The following LOC128462377 variants were observed in gnomAD, a reference collection of about 807,000 sequenced individuals.
At chr16:89,358,204 A>G in the LOC128462377 span, among the ~76,000 whole-genome samples, 2 of 152,228 alleles carry the variant, frequency 1.3e-5, no homozygotes, top group African/African-American at 4.8e-5. Flanking sequence ...CACAGGCCAC[A>G]GCCCCCACAC....
At chr16:89,339,278 C>A in the LOC128462377 span, among the ~76,000 whole-genome samples, 204 of 152,298 alleles carry the variant, frequency 1.3e-3, no homozygotes, top group African/African-American at 4.7e-3. Flanking sequence ...AATAGAACGA[C>A]CTAGAGATGT....
At chr16:89,402,012 C>G in the LOC128462377 span, among the ~76,000 whole-genome samples, 1 of 149,216 alleles carries the variant, frequency 6.7e-6, no homozygotes, top group Admixed American at 6.8e-5. Context: ...CGTGGGAGAA[C>G]AGATCCTTGC....
chr16:89,355,303 C>T, the LOC128462377 span, among the ~76,000 whole-genome samples: 1 of 151,908 alleles, frequency 6.6e-6, no homozygotes, highest in Admixed American at 6.6e-5. Context: ...GGAAGGCGGG[C>T]GGACGGCTCA....
chr16:89,341,529 C>T, the LOC128462377 span, among the ~76,000 whole-genome samples: 1 of 152,144 alleles, frequency 6.6e-6, no homozygotes, highest in Non-Finnish European at 1.5e-5. Context: ...GTGACACCAG[C>T]TGATTTCTGA....
chr16:89,395,706 TCAA>T, the LOC128462377 span: 6 of 152,204 alleles, frequency 3.9e-5, no homozygotes, highest in African/African-American at 7.2e-5. Context: ...CCTGATTCAT[TCAA>T]CAACATTTTC....
the LOC128462377 span, chr16:89,323,690 T>C: frequency 6.6e-6 from 2 of 302,524 alleles, no homozygotes; most frequent in East Asian, 1.2e-4. Context: ...TCAGCGTCTC[T>C]GTCCAGCCTC....
At chr16:89,387,097 G>C in the LOC128462377 span, among the ~76,000 whole-genome samples, 1 of 152,116 alleles carries the variant, frequency 6.6e-6, no homozygotes, top group Non-Finnish European at 1.5e-5. Flanking sequence ...ACATGGAGGA[G>C]GTGTCTGCCC....
chr16:89,326,507 G>A, the LOC128462377 span, among the ~76,000 whole-genome samples: 1 of 152,128 alleles, frequency 6.6e-6, no homozygotes, highest in Non-Finnish European at 1.5e-5. Flanking sequence ...CTACTCAGGA[G>A]GCCAAGGCAG....
At chr16:89,386,277 T>C in the LOC128462377 span, among the ~76,000 whole-genome samples, 2 of 150,372 alleles carry the variant, frequency 1.3e-5, no homozygotes, top group African/African-American at 4.9e-5. Context: ...ATCAGTCACT[T>C]TTTTTTTTTA....
the LOC128462377 span, among the ~76,000 whole-genome samples, chr16:89,380,282 C>A: frequency 6.6e-6 from 1 of 152,148 alleles, no homozygotes; most frequent in Middle Eastern, 3.4e-3. Context: ...CTGGCTAATT[C>A]TGTATTTTTA....
At chr16:89,406,109 CAAAAAAAAAA>C in the LOC128462377 span, among the ~76,000 whole-genome samples, 2 of 49,660 alleles carry the variant, frequency 4.0e-5, no homozygotes, top group Non-Finnish European at 9.3e-5. Flanking sequence ...GATTCCATCT[CAAAAAAAAAA>C]AAAAAAAAAA....
the LOC128462377 span, among the ~76,000 whole-genome samples, chr16:89,415,174 G>A: frequency 4.2e-4 from 63 of 150,774 alleles, no homozygotes; most frequent in African/African-American, 1.4e-3. Context: ...GGCTGGTCTC[G>A]CACTCCTGAG....
chr16:89,324,381 C>A, the LOC128462377 span: 1 of 691,238 alleles, frequency 1.4e-6, no homozygotes, highest in Non-Finnish European at 2.3e-6. Flanking sequence ...GGCACGTGGG[C>A]GCAAAGTTCT....
At chr16:89,408,171 G>T in the LOC128462377 span, among the ~76,000 whole-genome samples, 1 of 152,138 alleles carries the variant, frequency 6.6e-6, no homozygotes, top group Non-Finnish European at 1.5e-5. Context: ...GCACTATGTG[G>T]CAAGCACTGG....
the LOC128462377 span, among the ~76,000 whole-genome samples, chr16:89,391,341 T>C: frequency 1.3e-5 from 2 of 151,914 alleles, no homozygotes; most frequent in African/African-American, 2.4e-5. Flanking sequence ...CGGTGGGTGC[T>C]GGAGTGCTGG....
the LOC128462377 span, among the ~76,000 whole-genome samples, chr16:89,414,895 C>T: frequency 1.3e-5 from 2 of 152,324 alleles, no homozygotes; most frequent in East Asian, 1.9e-4. Flanking sequence ...AAGTGAAACA[C>T]GGGAATGACA....
chr16:89,324,398 C>T, the LOC128462377 span: 28 of 558,864 alleles, frequency 5.0e-5, no homozygotes, highest in African/African-American at 1.2e-4. Flanking sequence ...TTCTCAGCTT[C>T]GTTAGTCATC....
chr16:89,395,208 C>T, the LOC128462377 span, among the ~76,000 whole-genome samples: 191 of 152,328 alleles, frequency 1.3e-3, no homozygotes, highest in African/African-American at 3.8e-3. Context: ...TTTAAGGCAG[C>T]GTCTTAACAG....
the LOC128462377 span, among the ~76,000 whole-genome samples, chr16:89,372,234 A>G: frequency 2.0e-5 from 3 of 152,240 alleles, no homozygotes; most frequent in African/African-American, 7.2e-5. Flanking sequence ...AGCTGGGGAA[A>G]GAGCCACACG....
Sources: gnomAD v4.1 joint callset for allele counts (sites outside exome capture counted in the v4.1 genomes callset) on GRCh38, gnomAD v4.1.1 for gene constraint, MANE v1.5 for transcripts.